Variants in COTL1 observed in about 807,000 individuals in gnomAD.
COTL1 encodes the protein coactosin-like protein.
A neutral mutation model predicts 16.5 loss-of-function variants in COTL1; 15 were observed. That is an observed-to-expected ratio of 0.91 (90% CI 0.61 to 1.40). COTL1 has a LOEUF of 1.40. Among genes scored for constraint, COTL1 ranks in the 40% most tolerant of loss-of-function variants. The pLI, the probability that COTL1 is intolerant of heterozygous loss-of-function variation, is 0.00. For missense variants in COTL1, 220 were observed against 201.5 expected (o/e 1.09, Z -0.56); for synonymous variants, 112 against 85.3 (o/e 1.31, Z -1.73).
At chr16:84,596,426 A>T (rs914727277) in intron 2 of COTL1, 1 of 152,200 alleles carries the variant, frequency 6.6e-6, no homozygotes, top group Admixed American at 6.5e-5. Context: ...GGTTGGGAGG[A>T]TTACATGAAA....
intron 3 of COTL1, among the ~76,000 whole-genome samples, chr16:84,586,594 T>G (rs1188830933): frequency 6.6e-6 from 1 of 152,162 alleles, no homozygotes; most frequent in Non-Finnish European, 1.5e-5. Context: ...GTTATTGTAT[T>G]TTACAATTTT....
At chr16:84,595,207 G>C (rs1429149814) in intron 2 of COTL1, 2 of 152,452 alleles carry the variant, frequency 1.3e-5, no homozygotes, top group East Asian at 3.8e-4. Flanking sequence ...TGATCGTGGG[G>C]GAGCGGGGTA....
chr16:84,615,560 G>C (rs1335262820), intron 2 of COTL1, among the ~76,000 whole-genome samples: 1 of 152,218 alleles, frequency 6.6e-6, no homozygotes, highest in Non-Finnish European at 1.5e-5. Context: ...GAAAGAAGCT[G>C]AATTTAGGGA....
chr16:84,578,666 C>A (rs564869262), intron 3 of COTL1, among the ~76,000 whole-genome samples: 2 of 151,466 alleles, frequency 1.3e-5, no homozygotes, highest in African/African-American at 4.9e-5. Context: ...CATGCACCCA[C>A]ACAAGTGTGC....
chr16:84,587,053 A>T (rs955549863), intron 3 of COTL1, among the ~76,000 whole-genome samples: 2 of 151,914 alleles, frequency 1.3e-5, no homozygotes, highest in African/African-American at 4.8e-5. Flanking sequence ...TCAGCAGGAG[A>T]CCTTTGGCCA....
chr16:84,608,058 G>C (rs1347280932), intron 2 of COTL1, among the ~76,000 whole-genome samples: 1 of 152,038 alleles, frequency 6.6e-6, no homozygotes, highest in Non-Finnish European at 1.5e-5. Context: ...GCAAATGCTG[G>C]AGGGAGGTAA....
Position 84,589,910 on chromosome 16 carries a change from A to C in COTL1, c.318+195T>G, listed in dbSNP as rs2288583. Among the ~76,000 whole-genome samples the C allele has an allele frequency of 0.8, 122,020 of 152,104 alleles. 49,461 individuals are homozygous for C. The highest frequency in any genetic ancestry group is 0.92 in the African/African-American group (38,353 of 41,518). On this transcript the variant is annotated intron_variant, in intron 3 of 3. Coordinates refer to ENST00000262428, the MANE Select transcript of COTL1 (RefSeq NM_021149.5). ...ATAGGTGGGATCGTAAACACAGTTA[A>C]CTCCTCCTAGCCAGCATCCTGAAAC...
chr16:84,578,612 C>A (rs1389153504), intron 3 of COTL1, among the ~76,000 whole-genome samples: 1 of 151,744 alleles, frequency 6.6e-6, no homozygotes, highest in African/African-American at 2.4e-5. Flanking sequence ...CACAGATATG[C>A]ACACACCAAC....
chr16:84,569,147 C>T (rs1416225381), intron 3 of COTL1: 1 of 152,204 alleles, frequency 6.6e-6, no homozygotes, highest in Non-Finnish European at 1.5e-5. Flanking sequence ...ATGGCGGAAC[C>T]CCATCTCTAC....
intron 3 of COTL1, among the ~76,000 whole-genome samples, chr16:84,589,651 C>T (rs1228215783): frequency 1.3e-5 from 2 of 152,072 alleles, no homozygotes; most frequent in Non-Finnish European, 1.5e-5. Context: ...TCTGACATTG[C>T]AAATGTCCAT....
intron 3 of COTL1, among the ~76,000 whole-genome samples, chr16:84,569,311 A>T (rs1904312235): frequency 6.6e-6 from 1 of 152,108 alleles, no homozygotes; most frequent in Non-Finnish European, 1.5e-5. Context: ...ACAGGGTGAG[A>T]TCTGTCTCAA....
intron 3 of COTL1, among the ~76,000 whole-genome samples, chr16:84,570,369 G>A (rs1904320085): frequency 6.6e-6 from 1 of 151,924 alleles, no homozygotes; most frequent in Non-Finnish European, 1.5e-5. Flanking sequence ...CAAGTACTTA[G>A]GAAATCAAAT....
At chr16:84,580,283 C>T (rs1904553885) in intron 3 of COTL1, among the ~76,000 whole-genome samples, 1 of 152,214 alleles carries the variant, frequency 6.6e-6, no homozygotes, top group African/African-American at 2.4e-5. Flanking sequence ...CAAGGTCTTG[C>T]TCTGTCGCCC....
intron 2 of COTL1, among the ~76,000 whole-genome samples, chr16:84,613,523 G>C (rs1905388262): frequency 6.6e-6 from 1 of 152,064 alleles, no homozygotes; most frequent in South Asian, 2.1e-4. Flanking sequence ...ATATGGGTGG[G>C]GACAAACCGA....
At chr16:84,584,703 C>A (rs577108623) in intron 3 of COTL1, among the ~76,000 whole-genome samples, 1 of 152,194 alleles carries the variant, frequency 6.6e-6, no homozygotes, top group Admixed American at 6.5e-5. Flanking sequence ...CTGTGCATCA[C>A]GGTGTTGTCT....
intron 2 of COTL1, among the ~76,000 whole-genome samples, chr16:84,604,455 G>A (rs1439355115): frequency 6.6e-6 from 1 of 151,614 alleles, no homozygotes; most frequent in African/African-American, 2.4e-5. Context: ...CCCTGTGAAA[G>A]TGGACATTTC....
rs1904925465 is a variant in COTL1 at position 84,593,612 on chromosome 16, C to T, written c.161-3350G>A. ...CTGCAAGCTCCGCCTCCCGGGTTCA[C>T]ACCATTCTCCTGCCTCAGCCCCCCG... On this transcript the variant is annotated intron_variant, in intron 2 of 3. Transcript: ENST00000262428. 1.3e-5 allele frequency among the ~76,000 whole-genome samples: 2 copies of T among 151,830 alleles called. 1 individual carries two copies. Among genetic ancestry groups the T allele is most frequent in the South Asian group, 4.2e-4 (2 of 4,814 alleles).
intron 3 of COTL1, among the ~76,000 whole-genome samples, chr16:84,573,510 C>T (rs1480974397): frequency 3.3e-5 from 5 of 152,190 alleles, no homozygotes; most frequent in South Asian, 2.1e-4. Context: ...GGGCCAGATG[C>T]AGTGGCTCAT....
chr16:84,589,711 G>A (rs1904814285), intron 3 of COTL1, among the ~76,000 whole-genome samples: 1 of 152,122 alleles, frequency 6.6e-6, no homozygotes, highest in African/African-American at 2.4e-5. Context: ...ACTGTTCAGA[G>A]AGGGTACAAA....
Sources: allele counts gnomAD v4.1 joint callset (sites outside exome capture counted in the v4.1 genomes callset), GRCh38; gene constraint gnomAD v4.1.1; transcripts MANE v1.5; gene names NCBI Gene and HGNC (gene_info 2026-07-23, HGNC 2026-07-21).